The following CCT7 variants were observed in gnomAD, a reference collection of about 807,000 sequenced individuals.
CCT7 encodes T-complex protein 1 subunit eta.
CCT7 carries 16 observed loss-of-function variants against 56.6 expected under a neutral mutation model. The observed-to-expected ratio is 0.28, with a 90% confidence interval of 0.19 to 0.43. The LOEUF is 0.43. CCT7 is among the 20% of genes least tolerant of loss of function. The pLI is 1.00. For synonymous variants in CCT7, 262 were observed against 254.8 expected, an observed-to-expected ratio of 1.03 and a Z score of -0.27; for missense variants, 519 against 685.6, an observed-to-expected ratio of 0.76 and a Z score of 2.71.
In CCT7 at chr2:73,249,842, C is replaced by G. The variant is rs1241111901; in HGVS notation, c.996C>G (p.Thr332=). 6.2e-7 allele frequency: 1 copy of G among 1,613,672 alleles called. No individual in the cohort carries two copies. Among genetic ancestry groups the G allele is most frequent in the East Asian group, 2.2e-5 (1 of 44,868 alleles). ...AGGCCTGTGGAGGCTCAATCCAGAC[C>G]AGTGTGAATGCTCTGTCAGCAGATG... The part of the protein sequence containing the change: ...TMMACGGSIQ[T]SVNALSADVL... Residue 332 remains threonine (T), a synonymous_variant, in exon 9 of 12, where the codon ACC becomes ACG. Transcript: ENST00000258091.
chr2:73,244,522 A>G (rs756996729), intron 5 of CCT7, 22 bp from the exon 6 acceptor site: 2 of 1,591,676 alleles, frequency 1.3e-6, no homozygotes, highest in South Asian at 1.1e-5. Context: ...GACCTGATGC[A>G]GATTCTGCCC....
intron 6 of CCT7, 131 bp downstream of exon 6, chr2:73,244,846 T>C (rs1026357934): frequency 6.4e-6 from 4 of 624,238 alleles, no homozygotes; most frequent in African/African-American, 1.8e-5. Context: ...AGACTTACAT[T>C]GTACTTTCCA....
Position 73,249,904 on chromosome 2 carries a change from T to C in CCT7, c.1058T>C (p.Ile353Thr). ...TGCCAGGTGTTTGAAGAGACCCAGA[T>C]TGGAGGCGAGAGGTGAGCCGTGGGC... ...GRCQVFEETQ[I>T]GGERYNFFTG... The change falls in exon 9 of 12, where the codon ATT becomes ACT. Residue 353 changes from isoleucine (I) to threonine (T), a missense_variant. Physicochemically the swap from Ile to Thr is moderately conservative, Grantham distance 89. Around this residue, in one of 3 missense-constraint regions of CCT7, gnomAD observed 237 missense variants for 300.8 expected, o/e 0.79. Transcript: ENST00000258091. 4 of 1,611,644 alleles carry C rather than the reference T, an allele frequency of 2.5e-6. No homozygotes were observed. Among genetic ancestry groups the C allele is most frequent in the South Asian group, 1.1e-5 (1 of 91,052 alleles).
intron 1 of CCT7, chr2:73,235,485 G>C (rs545018108): frequency 1.1e-6 from 1 of 937,460 alleles, no homozygotes; most frequent in African/African-American, 1.8e-5. Flanking sequence ...TATGAATCCC[G>C]CTTGTACCCA....
At chr2:73,248,061 C>G in intron 7 of CCT7, 135 bp downstream of exon 7, 3 of 750,926 alleles carry the variant, frequency 4.0e-6, no homozygotes, top group South Asian at 3.8e-5. Flanking sequence ...ACTAGGCCCC[C>G]TTCTTTCCAT....
intron 1 of CCT7, chr2:73,238,963 T>A (rs1686991921): frequency 6.6e-6 from 1 of 152,246 alleles, no homozygotes; most frequent in Non-Finnish European, 1.5e-5. Flanking sequence ...GAGGAAAACT[T>A]CTTTGGGGTA....
chr2:73,250,319 A>G lies in CCT7; in HGVS notation c.1084A>G (p.Thr362Ala). Residue 362 changes from threonine (T) to alanine (A), a missense_variant, in exon 10 of 12, where the codon ACT becomes GCT. Physicochemically the swap from Thr to Ala is moderately conservative, Grantham distance 58 (BLOSUM62 0). Coordinates refer to ENST00000258091, the MANE Select transcript of CCT7 (RefSeq NM_006429.4). ...TCCTGGGCATAGGTACAATTTTTTT[A>G]CTGGCTGCCCCAAGGCCAAGACATG... is the stretch of plus-strand genomic sequence containing the variant. ...QIGGERYNFF[T>A]GCPKAKTCTF... 6.2e-7 allele frequency: 1 copy of G among 1,613,956 alleles called. No homozygotes were observed. The highest frequency in any genetic ancestry group is 1.1e-5 in the South Asian group (1 of 91,042).
intron 5 of CCT7, 33 bp downstream of exon 5, chr2:73,244,082 TA>T: frequency 5.5e-6 from 8 of 1,449,442 alleles, no homozygotes; most frequent in Non-Finnish European, 5.7e-6. Flanking sequence ...TTTTTTTTTT[TA>T]AAGAGACGGA....
intron 6 of CCT7, among the ~76,000 whole-genome samples, chr2:73,245,308 C>G (rs771629686): frequency 6.6e-6 from 1 of 152,140 alleles, no homozygotes; most frequent in African/African-American, 2.4e-5. Context: ...TTGCTTTTGT[C>G]CATTTAACAA....
At chr2:73,235,617 A>G (rs940676971) in intron 1 of CCT7, 22 of 946,442 alleles carry the variant, frequency 2.3e-5, no homozygotes, top group Middle Eastern at 2.9e-4. Context: ...GTTGAGAGTA[A>G]GGCCTCTGGA....
At chr2:73,235,540 A>G (rs1231344636) in intron 1 of CCT7, 1 of 1,001,712 alleles carries the variant, frequency 1.0e-6, no homozygotes, top group Non-Finnish European at 1.2e-6. Context: ...TCTCCCCTTT[A>G]TGTCTCTAGC....
chr2:73,240,214 T>G, intron 2 of CCT7: 1 of 384,284 alleles, frequency 2.6e-6, no homozygotes, highest in East Asian at 4.2e-5. Context: ...TATTAATTGC[T>G]CTTCAAGGAA....
At chr2:73,244,282 T>G (rs1687238612) in intron 5 of CCT7, 1 of 612,910 alleles carries the variant, frequency 1.6e-6, no homozygotes, top group Non-Finnish European at 2.8e-6. Flanking sequence ...TGGGGCTGTT[T>G]GGCTCCTGCC....
intron 9 of CCT7, 151 bp downstream of exon 9, chr2:73,250,067 A>G: frequency 1.4e-6 from 1 of 717,700 alleles, no homozygotes. Context: ...AGCCATAAAG[A>G]GCTCAGATAA....
intron 1 of CCT7, among the ~76,000 whole-genome samples, chr2:73,234,905 T>TTCC (rs1426629902): frequency 6.6e-6 from 1 of 152,216 alleles, no homozygotes; most frequent in African/African-American, 2.4e-5. Context: ...AGCAGACGCC[T>TTCC]TCCCTAGTAC....
chr2:73,243,230 G>A, intron 4 of CCT7, 101 bp downstream of exon 4: 1 of 1,333,832 alleles, frequency 7.5e-7, no homozygotes, highest in Non-Finnish European at 1.0e-6. Flanking sequence ...CTGGGGAACA[G>A]GGTACTTTGG....
intron 10 of CCT7, among the ~76,000 whole-genome samples, chr2:73,251,019 G>C (rs1687552149): frequency 6.6e-6 from 1 of 152,144 alleles, no homozygotes; most frequent in African/African-American, 2.4e-5. Flanking sequence ...AGCTGCAGGT[G>C]ACCTTGAAAA....
In CCT7 at chr2:73,244,725, C is replaced by T; in HGVS notation, c.618+10C>T. ...GGGTGGAGCCCTCGAGGTAAGCCTG[C>T]TGTGGCCTTCCTAGACAGCTCTTGC... On this transcript the variant is annotated intron_variant, in intron 6 of 11. Transcript: ENST00000258091. 6.2e-7 allele frequency: 1 copy of T among 1,601,930 alleles called. No homozygotes were observed. The highest frequency in any genetic ancestry group is 2.2e-5 in the East Asian group (1 of 44,734).
In CCT7 at chr2:73,250,455, C is replaced by A; in HGVS notation, c.1203+17C>A. On this transcript the variant is annotated intron_variant, in intron 10 of 11. Transcript: ENST00000258091. ...GCCATCAAGGTACTGGGCTGATATC[C>A]TCCTGCTTGCACAGCCTACTCTCTC... 2 of 1,613,198 alleles carry A rather than the reference C, an allele frequency of 1.2e-6. No homozygotes were observed. The highest frequency in any genetic ancestry group is 1.7e-6 in the Non-Finnish European group (2 of 1,179,810).
Sources: allele counts gnomAD v4.1 joint callset (sites outside exome capture counted in the v4.1 genomes callset), GRCh38; gene constraint gnomAD v4.1.1; regional missense constraint gnomAD v4.1.1; transcripts MANE v1.5; gene names NCBI Gene and HGNC (gene_info 2026-07-23, HGNC 2026-07-21).